Variants in PIK3C2A observed in about 807,000 individuals in gnomAD.
PIK3C2A encodes phosphatidylinositol 4-phosphate 3-kinase C2 domain-containing subunit alpha.
Under a neutral mutation model 204.5 loss-of-function variants are expected in PIK3C2A, and 97 were observed. The observed-to-expected ratio is 0.47, with a 90% CI of 0.40 to 0.56. The LOEUF (loss-of-function observed/expected upper bound fraction) is 0.56, where lower values mean the gene tolerates loss of function less well. Ranked by LOEUF, PIK3C2A falls within the 20% of genes least tolerant of loss-of-function variation. The probability of loss-of-function intolerance (pLI) is 0.00; values close to 1 mark genes in which losing one functional copy is unlikely to be tolerated. For missense variants in PIK3C2A, 1,735 were observed against 1,969.2 expected (o/e 0.88, Z 2.25); for synonymous variants, 653 against 664.4 (o/e 0.98, Z 0.26).
intron 1 of PIK3C2A, among the ~76,000 whole-genome samples, chr11:17,181,865 G>A (rs891172465): frequency 6.6e-6 from 1 of 151,916 alleles, no homozygotes; most frequent in African/African-American, 2.4e-5. Context: ...GCCAAGGCGG[G>A]TGGATCACTT....
intron 23 of PIK3C2A, among the ~76,000 whole-genome samples, chr11:17,104,767 T>C (rs972679168): frequency 1.3e-5 from 2 of 150,442 alleles, no homozygotes; most frequent in Non-Finnish European, 3.0e-5. Flanking sequence ...GCCCTGTTGC[T>C]GAGTGACTTG....
chr11:17,182,335 G>C (rs1005702562), intron 1 of PIK3C2A, among the ~76,000 whole-genome samples: 1 of 151,944 alleles, frequency 6.6e-6, no homozygotes, highest in Non-Finnish European at 1.5e-5. Context: ...AACACATTGG[G>C]AGGCTGAGAC....
Position 17,086,877 on chromosome 11 carries a change from C to A in PIK3C2A, c.*2861G>T, listed in dbSNP as rs1323423678. ...TTTTAAATGTCACAATATTTGAATC[C>A]TAGAAAGAATAGGCAACTAATTTAA... On this transcript the variant is annotated 3_prime_UTR_variant, in exon 33 of 33. Coordinates refer to ENST00000691414, the MANE Select transcript of PIK3C2A (RefSeq NM_002645.4). 1 of 151,858 alleles carries A rather than the reference C, an allele frequency of 6.6e-6. No individual in the cohort carries two copies. Among genetic ancestry groups the A allele is most frequent in the Non-Finnish European group, 1.5e-5 (1 of 67,986 alleles). 9.4% of individuals were successfully genotyped at this position (151,858 alleles called of 1,614,324 possible).
intron 3 of PIK3C2A, 40 bp downstream of exon 3, chr11:17,155,486 G>T: frequency 8.4e-7 from 1 of 1,193,662 alleles, no homozygotes. Flanking sequence ...GTTTTCAAGT[G>T]AATTTTTCAA....
rs771519150 is a variant in PIK3C2A, at chr11:17,145,664, T to G, written c.1704+4A>C. 11 of 1,571,866 alleles carry G rather than the reference T, an allele frequency of 7.0e-6. No individual in the cohort carries two copies. The South Asian group carries it at 1.2e-4, about 18-fold the overall frequency. ...ATTATGCCAAAATGTGAATTAAGAC[T>G]TACTTCAATTTGAAGAGCCAGTTCT... On this transcript the variant is annotated splice_donor_region_variant and intron_variant, in intron 8 of 32. Transcript: ENST00000691414.
In PIK3C2A at chr11:17,136,577, A is replaced by C. The variant is rs548988482; in HGVS notation, c.1753T>G (p.Cys585Gly). Reference protein sequence around the residue: ...DQVIKAVRKICSALDGVETLA... With the variant: ...DQVIKAVRKIGSALDGVETLA... ...GTCTCGACACCATCTAAAGCACTAC[A>C]GATTTTTCTTACAGCTTTAATTACT... Residue 585 changes from cysteine to glycine, a missense_variant, in exon 9 of 33, where the codon TGT (cysteine) becomes GGT (glycine). Physicochemically the swap from Cys to Gly is radical, Grantham distance 159. Coordinates refer to ENST00000691414, the MANE Select transcript of PIK3C2A (RefSeq NM_002645.4). 4.4e-6 allele frequency: 7 copies of C among 1,595,964 alleles called. No individual in the cohort carries two copies. In the Admixed American group the frequency reaches 1.2e-4, roughly 27 times the overall value.
rs770156938 is a variant in PIK3C2A at position 17,091,486 on chromosome 11, G to A, written c.4753-27C>T. 4 of 1,610,832 alleles carry A rather than the reference G, an allele frequency of 2.5e-6. No individual in the cohort carries two copies. The Admixed American group carries it at 6.7e-5, about 27-fold the overall frequency. ...TAAAAAGAAAAGCAGTCCCTTAATA[G>A]TAATGCTTCCTACCAAGGTAAGGGT... On this transcript the variant is annotated intron_variant, in intron 31 of 32. Coordinates refer to ENST00000691414, the MANE Select transcript of PIK3C2A (RefSeq NM_002645.4).
At chr11:17,164,582 C>G (rs916870555) in intron 2 of PIK3C2A, among the ~76,000 whole-genome samples, 3 of 152,190 alleles carry the variant, frequency 2.0e-5, no homozygotes, top group African/African-American at 7.2e-5. Flanking sequence ...CTGTAGTAAT[C>G]TAGCTCCACT....
intron 1 of PIK3C2A, among the ~76,000 whole-genome samples, chr11:17,178,557 CTTAT>C (rs1851416435): frequency 6.6e-6 from 1 of 152,078 alleles, no homozygotes; most frequent in African/African-American, 2.4e-5. Flanking sequence ...AACTTACTGT[CTTAT>C]TTATTATCTA....
rs1193921266 is a variant in PIK3C2A at position 17,088,937 on chromosome 11, A to G, written c.*801T>C. On this transcript the variant is annotated 3_prime_UTR_variant, in exon 33 of 33. Coordinates refer to ENST00000691414, the MANE Select transcript of PIK3C2A (RefSeq NM_002645.4). ...TGAGTCTTATTCAGGTATTAGGCTTAACTATTTAGATAACTAATTCATACA... is the reference window on the plus strand; with the variant it reads ...TGAGTCTTATTCAGGTATTAGGCTTGACTATTTAGATAACTAATTCATACA... 6.6e-6 allele frequency: 1 copy of G among 152,240 alleles called. No homozygotes were observed. The highest frequency in any genetic ancestry group is 1.5e-5 in the Non-Finnish European group (1 of 68,046). 9.4% of individuals were successfully genotyped at this position (152,240 alleles called of 1,614,324 possible). A position where few individuals can be genotyped will look rare whatever the true frequency, so the allele number is the denominator to read the frequency against.
chr11:17,204,052 C>T (rs571339298), intron 1 of PIK3C2A, among the ~76,000 whole-genome samples: 20 of 150,726 alleles, frequency 1.3e-4, no homozygotes, highest in African/African-American at 2.0e-4. Flanking sequence ...CCAGCCTTGG[C>T]GACAGAGCGA....
At chr11:17,157,275 C>CA (rs2137453325) in intron 2 of PIK3C2A, among the ~76,000 whole-genome samples, 1 of 152,150 alleles carries the variant, frequency 6.6e-6, no homozygotes, top group East Asian at 1.9e-4. Flanking sequence ...GCCTGGCCAA[C>CA]ATGGTGAAAC....
chr11:17,176,619 A>G (rs1038955343), intron 1 of PIK3C2A, among the ~76,000 whole-genome samples: 2 of 151,956 alleles, frequency 1.3e-5, no homozygotes, highest in Admixed American at 6.6e-5. Flanking sequence ...CCAGACCCCT[A>G]TCTCTACCAA....
intron 21 of PIK3C2A, among the ~76,000 whole-genome samples, chr11:17,111,824 C>T (rs1193094092): frequency 7.0e-6 from 1 of 142,264 alleles, no homozygotes; most frequent in Admixed American, 7.6e-5. Context: ...TTGCAGTGAG[C>T]TGAGATCACG....
chr11:17,157,525 G>A (rs902803920), intron 2 of PIK3C2A, among the ~76,000 whole-genome samples: 10 of 150,738 alleles, frequency 6.6e-5, no homozygotes, highest in African/African-American at 2.2e-4. Context: ...TGCAAACATC[G>A]TTATAGCTGA....
At chr11:17,174,765 G>A (rs1023495118) in intron 1 of PIK3C2A, among the ~76,000 whole-genome samples, 2 of 151,988 alleles carry the variant, frequency 1.3e-5, no homozygotes, top group African/African-American at 4.8e-5. Flanking sequence ...TGGGTGTGGT[G>A]GCACGCCAGG....
At chr11:17,172,856 C>T (rs1361443971) in intron 1 of PIK3C2A, among the ~76,000 whole-genome samples, 12 of 152,186 alleles carry the variant, frequency 7.9e-5, no homozygotes, top group Admixed American at 5.9e-4. Context: ...TGCTTAGGGT[C>T]CTGTGCCACA....
At chr11:17,100,115 G>C (rs972366946) in intron 25 of PIK3C2A, 146 bp from the exon 26 acceptor site, 3 of 451,366 alleles carry the variant, frequency 6.6e-6, no homozygotes, top group Non-Finnish European at 1.2e-5. Context: ...TGGGGACCTA[G>C]GTGATTATCT....
chr11:17,092,194 G>GT lies in PIK3C2A; in HGVS notation c.4533dup (p.Gln1512ThrfsTer14), dbSNP rs757916370. The stretch of plus-strand genomic sequence containing the variant: ...TCCGTTGAAGCATTCATCAAACTCT[G>GT]TAAGTAACTGTTTAACTCAATTTTC... On this transcript the variant is annotated frameshift_variant, in exon 29 of 33. Coordinates refer to ENST00000691414, the MANE Select transcript of PIK3C2A (RefSeq NM_002645.4). LOFTEE classifies it high-confidence loss of function. 1 of 1,603,876 alleles carries GT rather than the reference G, an allele frequency of 6.2e-7. No individual in the cohort carries two copies. The highest frequency in any genetic ancestry group is 1.3e-5 in the African/African-American group (1 of 74,740).
Sources: gnomAD v4.1 joint callset for allele counts (sites outside exome capture counted in the v4.1 genomes callset) on GRCh38, gnomAD v4.1.1 for gene constraint, MANE v1.5 for transcripts, NCBI Gene and HGNC (gene_info 2026-07-23, HGNC 2026-07-21) for gene names.